TBCD: variants seen among roughly 807,000 people sequenced by gnomAD.
TBCD encodes tubulin-specific chaperone D.
Under a neutral mutation model 169.3 loss-of-function variants are expected in TBCD, and 105 were observed. The observed-to-expected ratio is 0.62, with a 90% CI of 0.53 to 0.73. The LOEUF (loss-of-function observed/expected upper bound fraction) is 0.73, where lower values mean the gene tolerates loss of function less well. Ranked by LOEUF, TBCD falls within the 30% of genes least tolerant of loss-of-function variation. The probability of loss-of-function intolerance (pLI) is 0.00; values close to 1 mark genes in which losing one functional copy is unlikely to be tolerated. For missense variants in TBCD, 1,444 were observed against 1,600.1 expected, an observed-to-expected ratio of 0.90 and a Z score of 1.66; for synonymous variants, 700 against 643.9, an observed-to-expected ratio of 1.09 and a Z score of -1.32.
At position 82,945,504 on chromosome 17, in the gene TBCD, G is replaced by A. The variant is rs1230577845; in HGVS notation, c.*3041G>A. 6.6e-6 allele frequency: 1 copy of A among 152,200 alleles called. No homozygotes were observed. Among genetic ancestry groups the A allele is most frequent in the Non-Finnish European group, 1.5e-5 (1 of 68,048 alleles). 9.4% of individuals were successfully genotyped at this position (152,200 alleles called of 1,614,324 possible). A position where few individuals can be genotyped will look rare whatever the true frequency, so the allele number is the denominator to read the frequency against. On this transcript the variant is annotated 3_prime_UTR_variant, in exon 39 of 39. Coordinates refer to ENST00000355528, the MANE Select transcript of TBCD (RefSeq NM_005993.5). ...GGAGTTGAGCAGTGAGTAGACCAAG[G>A]TCTTCATTATGCTGAGAGAAAATAG...
chr17:82,902,498 G>A (rs575040039), intron 18 of TBCD, among the ~76,000 whole-genome samples: 5 of 152,338 alleles, frequency 3.3e-5, no homozygotes, highest in African/African-American at 1.2e-4. Context: ...GCAGTTGGGT[G>A]TCGCTCAGGG....
rs149510651 is a variant in TBCD at position 82,773,575 on chromosome 17, C to G, written c.638+1068C>G. 7.5e-3 allele frequency among the ~76,000 whole-genome samples: 1,143 copies of G among 152,242 alleles called. 8 individuals are homozygous for G. Among genetic ancestry groups the G allele is most frequent in the African/African-American group, 0.026 (1,087 of 41,520 alleles). ...CCCTACCGGGTGGCGCCAACTCTGT[C>G]CATGGTCTCCCCGCGGGGCGGCACC... is the stretch of plus-strand genomic sequence containing the variant. On this transcript the variant is annotated intron_variant, in intron 6 of 38. Transcript: ENST00000355528.
At chr17:82,758,421 T>A (rs1005137848) in intron 2 of TBCD, among the ~76,000 whole-genome samples, 1 of 80,422 alleles carries the variant, frequency 1.2e-5, no homozygotes, top group Non-Finnish European at 2.8e-5. Context: ...ATAAATAAAT[T>A]TTTTTTTTTG....
intron 17 of TBCD, among the ~76,000 whole-genome samples, chr17:82,899,475 CGT>C (rs2059748214): frequency 6.6e-6 from 1 of 152,118 alleles, no homozygotes; most frequent in African/African-American, 2.4e-5. Flanking sequence ...GTCCGCAGCG[CGT>C]GTGTCTGCAC....
At chr17:82,875,352 G>C (rs894769103) in intron 14 of TBCD, among the ~76,000 whole-genome samples, 4 of 152,234 alleles carry the variant, frequency 2.6e-5, no homozygotes, top group Non-Finnish European at 5.9e-5. Flanking sequence ...AAGTGGGACA[G>C]AGTGGTTATG....
At chr17:82,779,489 C>T (rs2048807810) in intron 6 of TBCD, among the ~76,000 whole-genome samples, 1 of 152,200 alleles carries the variant, frequency 6.6e-6, no homozygotes, top group South Asian at 2.1e-4. Flanking sequence ...CCTCCCTAAG[C>T]ATGCTCCACA....
At position 82,911,789 on chromosome 17, in the gene TBCD, G is replaced by A; in HGVS notation, c.2038G>A (p.Val680Met). ...GGGAGGACAGCTCATGAGACAAGCAGGTAAGTCTGAAGGCCTTTGCAGCCC... is the reference window on the plus strand; with the variant it reads ...GGGAGGACAGCTCATGAGACAAGCAAGTAAGTCTGAAGGCCTTTGCAGCCC... ...GLGGQLMRQAVCVLIEKLSLS... is the reference protein window; with the variant it reads ...GLGGQLMRQAMCVLIEKLSLS... Residue 680 changes from valine (V) to methionine (M), a missense_variant and splice_region_variant, in exon 23 of 39, where the codon GTG (valine) becomes ATG (methionine). By Grantham distance (21) the Val-to-Met change is conservative. Transcript: ENST00000355528. 4 of 1,613,884 alleles carry A rather than the reference G, an allele frequency of 2.5e-6. No homozygotes were observed. The highest frequency in any genetic ancestry group is 3.4e-6 in the Non-Finnish European group (4 of 1,179,868).
intron 7 of TBCD, among the ~76,000 whole-genome samples, chr17:82,792,475 C>G (rs927801343): frequency 6.6e-6 from 1 of 152,106 alleles, no homozygotes; most frequent in African/African-American, 2.4e-5. Flanking sequence ...GACTCTAGTG[C>G]GATACACTGT....
chr17:82,803,819 G>A (rs1477143611), intron 9 of TBCD, among the ~76,000 whole-genome samples: 1 of 151,974 alleles, frequency 6.6e-6, no homozygotes, highest in African/African-American at 2.4e-5. Flanking sequence ...TGAGCTGCGC[G>A]CTTGCGTGAG....
chr17:82,867,598 G>A (rs1266502445), intron 13 of TBCD, among the ~76,000 whole-genome samples: 1 of 152,208 alleles, frequency 6.6e-6, no homozygotes, highest in Non-Finnish European at 1.5e-5. Context: ...GACTTTCCGG[G>A]GCAAACAACT....
At chr17:82,792,681 G>C (rs1168767447) in intron 7 of TBCD, among the ~76,000 whole-genome samples, 4 of 152,220 alleles carry the variant, frequency 2.6e-5, no homozygotes, top group African/African-American at 4.8e-5. Context: ...GCCCCCACCT[G>C]TGAAGGTAAT....
intron 2 of TBCD, among the ~76,000 whole-genome samples, chr17:82,761,904 T>C (rs1426300568): frequency 6.6e-6 from 1 of 151,548 alleles, no homozygotes; most frequent in African/African-American, 2.4e-5. Context: ...TTTTTTTTTA[T>C]TTTTAGTAGA....
intron 13 of TBCD, among the ~76,000 whole-genome samples, chr17:82,866,893 G>A (rs185458751): frequency 2.6e-5 from 4 of 152,228 alleles, no homozygotes. Flanking sequence ...AGAGGAGTGC[G>A]CCAGGTGGGC....
chr17:82,850,965 C>A (rs1381762888), intron 13 of TBCD, among the ~76,000 whole-genome samples: 1 of 152,168 alleles, frequency 6.6e-6, no homozygotes, highest in Non-Finnish European at 1.5e-5. Context: ...TGTGCACATA[C>A]AATATTTCAA....
chr17:82,800,536 C>T (rs530079970), intron 8 of TBCD, among the ~76,000 whole-genome samples: 14 of 151,988 alleles, frequency 9.2e-5, no homozygotes, highest in Admixed American at 2.0e-4. Flanking sequence ...TCTCTGTGGC[C>T]GCAGGATGCC....
At chr17:82,816,541 CT>C (rs969923350) in intron 13 of TBCD, among the ~76,000 whole-genome samples, 148 of 146,950 alleles carry the variant, frequency 1.0e-3, no homozygotes, top group Admixed American at 1.2e-3. Flanking sequence ...TTGCTTTTAT[CT>C]TTTTTTTTTT....
At position 82,927,978 on chromosome 17, in the gene TBCD, G is replaced by C; in HGVS notation, c.2683G>C (p.Glu895Gln). 1 of 1,611,318 alleles carries C rather than the reference G, an allele frequency of 6.2e-7. No individual in the cohort carries two copies. Among genetic ancestry groups the C allele is most frequent in the Non-Finnish European group, 8.5e-7 (1 of 1,179,672 alleles). Reference sequence around the variant, plus strand: ...GGCTCGGAGCCAGCCTGAGCTGATCGAGGCCCATACGTGAGTGTCACGTCG... The same window carrying C: ...GGCTCGGAGCCAGCCTGAGCTGATCCAGGCCCATACGTGAGTGTCACGTCG... ...LLARSQPELI[E>Q]AHTCERIMCC... The change falls in exon 30 of 39, where the codon GAG becomes CAG. Residue 895 changes from glutamate (E) to glutamine (Q), a missense_variant. Transcript: ENST00000355528.
At chr17:82,767,501 G>A (rs2144021364) in intron 4 of TBCD, among the ~76,000 whole-genome samples, 1 of 152,022 alleles carries the variant, frequency 6.6e-6, no homozygotes, top group South Asian at 2.1e-4. Flanking sequence ...GAGAGCAATG[G>A]CACAATCTTG....
At chr17:82,840,873 G>A (rs2054424293) in intron 13 of TBCD, among the ~76,000 whole-genome samples, 1 of 151,092 alleles carries the variant, frequency 6.6e-6, no homozygotes, top group South Asian at 2.1e-4. Context: ...CTGGTGTCAG[G>A]CCCTTGGATG....
Sources: gnomAD v4.1 joint callset for allele counts (sites outside exome capture counted in the v4.1 genomes callset) on GRCh38, gnomAD v4.1.1 for gene constraint, MANE v1.5 for transcripts, NCBI Gene and HGNC (gene_info 2026-07-23, HGNC 2026-07-21) for gene names.